STK32B: variants seen among roughly 807,000 people sequenced by gnomAD.
STK32B encodes serine/threonine kinase 32B.
A neutral mutation model predicts 52.6 loss-of-function variants in STK32B; 43 were observed. The ratio of observed to expected loss-of-function variants is 0.82; its 90% CI spans 0.64 to 1.05. The LOEUF (loss-of-function observed/expected upper bound fraction) is 1.05. Ranked by LOEUF, STK32B falls within the 50% of genes least tolerant of loss-of-function variation. STK32B has a pLI of 0.00. For synonymous variants in STK32B, 238 were observed against 204.3 expected (o/e 1.17, Z -1.41); for missense variants, 621 against 534.6 (o/e 1.16, Z -1.59).
intron 3 of STK32B, among the ~76,000 whole-genome samples, chr4:5,266,719 G>A (rs1299866725): frequency 6.6e-6 from 1 of 152,098 alleles, no homozygotes; most frequent in Admixed American, 6.5e-5. Flanking sequence ...ATCTGGGTGG[G>A]GGTCCTTTCT....
At chr4:5,353,312 AAG>A (rs1733960794) in intron 4 of STK32B, among the ~76,000 whole-genome samples, 4 of 147,392 alleles carry the variant, frequency 2.7e-5, no homozygotes, top group African/African-American at 1.1e-4. Flanking sequence ...GGAAGAAAAC[AAG>A]GAAAACAATT....
At chr4:5,376,622 T>C (rs1228935978) in intron 4 of STK32B, among the ~76,000 whole-genome samples, 1 of 152,058 alleles carries the variant, frequency 6.6e-6, no homozygotes, top group Non-Finnish European at 1.5e-5. Context: ...CTGTCAGAAA[T>C]AGGGTGATTT....
the STK32B span, among the ~76,000 whole-genome samples, chr4:5,025,208 T>C: frequency 9.9e-5 from 15 of 152,172 alleles, no homozygotes; most frequent in African/African-American, 3.1e-4. Context: ...CCGTGGTCCA[T>C]AGACCAGCAG....
chr4:5,282,551 T>C (rs898331310), intron 3 of STK32B, among the ~76,000 whole-genome samples: 2 of 152,186 alleles, frequency 1.3e-5, no homozygotes, highest in African/African-American at 4.8e-5. Flanking sequence ...TAATGCTTCT[T>C]CTTCTTCTTG....
chr4:5,080,475 T>C (rs1712350048), intron 1 of STK32B, among the ~76,000 whole-genome samples: 1 of 152,218 alleles, frequency 6.6e-6, no homozygotes, highest in African/African-American at 2.4e-5. Context: ...AGATCTTTTC[T>C]GAAACGTCAG....
At chr4:5,153,267 G>C (rs1181452605) in intron 2 of STK32B, among the ~76,000 whole-genome samples, 1 of 152,160 alleles carries the variant, frequency 6.6e-6, no homozygotes, top group Admixed American at 6.5e-5. Context: ...GGGGAGGTCT[G>C]GCTCTGGGTC....
chr4:5,233,457 T>C (rs1238643667), intron 3 of STK32B, among the ~76,000 whole-genome samples: 2 of 152,056 alleles, frequency 1.3e-5, no homozygotes, highest in African/African-American at 4.8e-5. Flanking sequence ...TACTGGAATA[T>C]AGCAGAGTGC....
At chr4:5,101,623 A>G (rs1016903026) in intron 1 of STK32B, among the ~76,000 whole-genome samples, 9 of 152,202 alleles carry the variant, frequency 5.9e-5, no homozygotes, top group African/African-American at 1.7e-4. Context: ...ATTACAGGCT[A>G]TAATGACTTA....
At chr4:5,346,398 C>T (rs763715137) in intron 4 of STK32B, among the ~76,000 whole-genome samples, 4 of 152,186 alleles carry the variant, frequency 2.6e-5, no homozygotes, top group Admixed American at 6.5e-5. Flanking sequence ...CCCACCCTCT[C>T]TGGGTCCAAG....
intron 1 of STK32B, among the ~76,000 whole-genome samples, chr4:5,081,175 A>G (rs1250868652): frequency 6.6e-6 from 1 of 152,190 alleles, no homozygotes; most frequent in Non-Finnish European, 1.5e-5. Flanking sequence ...AGGGCTGACT[A>G]ATACGTTTAA....
chr4:5,155,338 A>C (rs185375064), intron 2 of STK32B, among the ~76,000 whole-genome samples: 1 of 152,268 alleles, frequency 6.6e-6, no homozygotes, highest in Admixed American at 6.5e-5. Flanking sequence ...CTTCTTGGTT[A>C]TGGGTCTCAT....
chr4:5,386,336 T>C lies in STK32B; in HGVS notation c.435-11871T>C, dbSNP rs557541131. On this transcript the variant is annotated intron_variant, in intron 4 of 11. Transcript: ENST00000282908. The surrounding 1 kb of genome is among the most constrained non-coding windows in gnomAD (Gnocchi z 4.5). ...AATGCTGGAAAGAGCTCCCGGCTGG[T>C]GTGAGTCCAGAGCCCATGCATAGTG... is the stretch of plus-strand genomic sequence containing the variant. Among the ~76,000 whole-genome samples the C allele has an allele frequency of 1.1e-4, 17 of 152,012 alleles. No homozygotes were observed. Among genetic ancestry groups the C allele is most frequent in the African/African-American group, 4.1e-4 (17 of 41,448 alleles).
the STK32B span, among the ~76,000 whole-genome samples, chr4:5,044,873 T>C: frequency 6.6e-6 from 1 of 152,204 alleles, no homozygotes; most frequent in Non-Finnish European, 1.5e-5. Context: ...ATTGTGCCAC[T>C]GCACTCCAGC....
chr4:5,413,844 A>G (rs533230002), intron 5 of STK32B, among the ~76,000 whole-genome samples: 3 of 152,334 alleles, frequency 2.0e-5, no homozygotes, highest in East Asian at 3.9e-4. Flanking sequence ...AAAACCACTG[A>G]TAACAACTAG....
intron 3 of STK32B, among the ~76,000 whole-genome samples, chr4:5,271,304 TA>T (rs915829501): frequency 6.6e-6 from 1 of 152,054 alleles, no homozygotes; most frequent in Non-Finnish European, 1.5e-5. Flanking sequence ...GATAAACATG[TA>T]AAAAAATTAA....
chr4:5,219,937 C>T (rs1314461478), intron 3 of STK32B, among the ~76,000 whole-genome samples: 2 of 152,154 alleles, frequency 1.3e-5, no homozygotes, highest in Non-Finnish European at 2.9e-5. Flanking sequence ...ATAAATGTGT[C>T]TGCAGGATAA....
chr4:5,060,852 A>G (rs1190149544), intron 1 of STK32B, among the ~76,000 whole-genome samples: 1 of 152,022 alleles, frequency 6.6e-6, no homozygotes, highest in South Asian at 2.1e-4. Context: ...TTTGCCCTCC[A>G]TTGTTTCTGA....
intron 1 of STK32B, among the ~76,000 whole-genome samples, chr4:5,135,338 A>G (rs549295834): frequency 6.6e-6 from 1 of 152,320 alleles, no homozygotes; most frequent in South Asian, 2.1e-4. Flanking sequence ...AGCCACAGCC[A>G]CTGAGTGTTG....
intron 1 of STK32B, among the ~76,000 whole-genome samples, chr4:5,065,646 T>C (rs980695860): frequency 6.6e-6 from 1 of 152,210 alleles, no homozygotes; most frequent in Non-Finnish European, 1.5e-5. Flanking sequence ...AGGGTCCAGC[T>C]CCAACATCAC....
Sources: allele counts gnomAD v4.1 joint callset (sites outside exome capture counted in the v4.1 genomes callset), GRCh38; gene constraint gnomAD v4.1.1; non-coding constraint Gnocchi (gnomAD v3.1); transcripts MANE v1.5; gene names NCBI Gene and HGNC (gene_info 2026-07-23, HGNC 2026-07-21).